LRMDA: variants seen among roughly 807,000 people sequenced by gnomAD.
The protein encoded by LRMDA is leucine rich melanocyte differentiation associated.
LRMDA carries 18 observed loss-of-function variants against 29.8 expected under a neutral mutation model. The ratio of observed to expected loss-of-function variants is 0.60; its 90% CI spans 0.42 to 0.90. The LOEUF (loss-of-function observed/expected upper bound fraction) is 0.90. Among genes scored for constraint, LRMDA ranks in the 40% least tolerant of loss-of-function variants. LRMDA has a pLI of 0.00. For synonymous variants in LRMDA, 125 were observed against 109.4 expected (o/e 1.14, Z -0.89); for missense variants, 273 against 273.9 (o/e 1.00, Z 0.02).
intron 5 of LRMDA, among the ~76,000 whole-genome samples, chr10:76,178,549 G>C (rs2132204399): frequency 6.6e-6 from 1 of 152,260 alleles, no homozygotes; most frequent in African/African-American, 2.4e-5. Context: ...GCATTCCAGA[G>C]GGCACTGGAT....
chr10:75,865,566 G>A (rs757619892), intron 2 of LRMDA, among the ~76,000 whole-genome samples: 3 of 152,140 alleles, frequency 2.0e-5, no homozygotes, highest in Non-Finnish European at 4.4e-5. Flanking sequence ...AGAAAAGGAT[G>A]TTATCTTACC....
intron 2 of LRMDA, among the ~76,000 whole-genome samples, chr10:75,831,512 AGT>A (rs1374058245): frequency 2.0e-5 from 3 of 152,108 alleles, no homozygotes; most frequent in African/African-American, 7.2e-5. Flanking sequence ...GATGGCATCG[AGT>A]GTCTGCAGCT....
chr10:76,365,988 T>C (rs975656305), intron 6 of LRMDA, among the ~76,000 whole-genome samples: 1 of 152,206 alleles, frequency 6.6e-6, no homozygotes, highest in African/African-American at 2.4e-5. Flanking sequence ...CACCATTTGT[T>C]GAAAAGGGTG....
At chr10:76,373,016 G>C (rs1256538930) in intron 6 of LRMDA, among the ~76,000 whole-genome samples, 2 of 152,124 alleles carry the variant, frequency 1.3e-5, no homozygotes, top group Non-Finnish European at 2.9e-5. Flanking sequence ...GGTGCTCATT[G>C]CATATAAGCC....
intron 2 of LRMDA, among the ~76,000 whole-genome samples, chr10:75,567,548 C>T (rs889307460): frequency 2.0e-5 from 3 of 152,208 alleles, no homozygotes; most frequent in South Asian, 4.1e-4. Flanking sequence ...GTGTTAAGCA[C>T]CAAGCATTTA....
intron 2 of LRMDA, among the ~76,000 whole-genome samples, chr10:75,838,763 CAA>C (rs1193266386): frequency 5.3e-5 from 8 of 152,238 alleles, no homozygotes; most frequent in African/African-American, 1.9e-4. Context: ...CTTGGTAACA[CAA>C]AGAGTATTTC....
intron 6 of LRMDA, among the ~76,000 whole-genome samples, chr10:76,555,353 A>G (rs1843543164): frequency 6.6e-6 from 1 of 152,210 alleles, no homozygotes; most frequent in Non-Finnish European, 1.5e-5. Flanking sequence ...GCACCAGACC[A>G]ATACTGAAAA....
Position 75,635,411 on chromosome 10 carries a change from A to T in LRMDA, c.131+196917A>T, listed in dbSNP as rs1374532132. ...TCTCTCTATTTAATGACTTTTGAGG[A>T]GTTGAGGCTATTGGTTGCTGGGTGG... On this transcript the variant is annotated intron_variant, in intron 2 of 6. Coordinates refer to ENST00000611255, the MANE Select transcript of LRMDA (RefSeq NM_001305581.2). Among the ~76,000 whole-genome samples, 4 of 152,050 alleles carry T rather than the reference A, an allele frequency of 2.6e-5. No individual in the cohort carries two copies. The East Asian group carries it at 7.7e-4, about 29-fold the overall frequency.
At chr10:76,359,851 G>C (rs1841289815) in intron 6 of LRMDA, among the ~76,000 whole-genome samples, 1 of 152,148 alleles carries the variant, frequency 6.6e-6, no homozygotes, top group Admixed American at 6.5e-5. Flanking sequence ...CGTTAAGGCT[G>C]GGAGTAGAGC....
chr10:76,132,405 T>C (rs527269327), intron 5 of LRMDA, among the ~76,000 whole-genome samples: 1 of 152,302 alleles, frequency 6.6e-6, no homozygotes, highest in African/African-American at 2.4e-5. Flanking sequence ...TGAAATCTAA[T>C]GAAAGCTGGT....
intron 6 of LRMDA, among the ~76,000 whole-genome samples, chr10:76,440,001 G>A (rs1396948355): frequency 6.6e-6 from 1 of 152,158 alleles, no homozygotes; most frequent in South Asian, 2.1e-4. Context: ...CCCAAGGTTG[G>A]GAGTAAAGTG....
chr10:76,456,110 A>T (rs1242446801), intron 6 of LRMDA, among the ~76,000 whole-genome samples: 3 of 152,174 alleles, frequency 2.0e-5, no homozygotes, highest in Non-Finnish European at 2.9e-5. Context: ...ACCCGAAAAT[A>T]GTCGTTCGGT....
chr10:76,366,869 G>T (rs753846683), intron 6 of LRMDA, among the ~76,000 whole-genome samples: 1 of 152,148 alleles, frequency 6.6e-6, no homozygotes, highest in Non-Finnish European at 1.5e-5. Context: ...TCCTTATTCA[G>T]TATTATGTTG....
At chr10:76,240,867 T>C (rs1258028392) in intron 5 of LRMDA, among the ~76,000 whole-genome samples, 2 of 143,618 alleles carry the variant, frequency 1.4e-5, no homozygotes, top group Non-Finnish European at 3.1e-5. Flanking sequence ...TATACATATA[T>C]ATATACGCAC....
chr10:75,452,354 G>A (rs957488880), intron 2 of LRMDA, among the ~76,000 whole-genome samples: 2 of 152,126 alleles, frequency 1.3e-5, no homozygotes, highest in Non-Finnish European at 2.9e-5. Flanking sequence ...CCTTTTCAAC[G>A]TGATTGCTGT....
At chr10:76,159,524 C>T (rs1850605880) in intron 5 of LRMDA, among the ~76,000 whole-genome samples, 1 of 152,194 alleles carries the variant, frequency 6.6e-6, no homozygotes, top group Non-Finnish European at 1.5e-5. Flanking sequence ...AGCCATCACA[C>T]TCCTTGGTAT....
At chr10:76,304,224 A>G (rs574833677) in intron 5 of LRMDA, among the ~76,000 whole-genome samples, 3 of 152,312 alleles carry the variant, frequency 2.0e-5, no homozygotes, top group African/African-American at 7.2e-5. Context: ...GCTACCTTAG[A>G]TCACTCCTGG....
intron 2 of LRMDA, among the ~76,000 whole-genome samples, chr10:75,440,610 G>A (rs1260355178): frequency 2.0e-5 from 3 of 152,176 alleles, no homozygotes; most frequent in Non-Finnish European, 4.4e-5. Context: ...GGGAAGAGCA[G>A]GGGAGGCAAC....
At chr10:75,458,072 G>T (rs539991182) in intron 2 of LRMDA, among the ~76,000 whole-genome samples, 1 of 152,074 alleles carries the variant, frequency 6.6e-6, no homozygotes, top group Non-Finnish European at 1.5e-5. Flanking sequence ...ATCACAAATC[G>T]TCTGTGAAAT....
Sources: gnomAD v4.1 joint callset for allele counts (sites outside exome capture counted in the v4.1 genomes callset) on GRCh38, gnomAD v4.1.1 for gene constraint, MANE v1.5 for transcripts, NCBI Gene and HGNC (gene_info 2026-07-23, HGNC 2026-07-21) for gene names.